ZNF705B: variants seen among roughly 807,000 people sequenced by gnomAD.
The protein encoded by ZNF705B is zinc finger protein 705B.
In ZNF705B, 1 loss-of-function variant was observed where a neutral mutation model predicts 10.5. The ratio of observed to expected loss-of-function variants is 0.10; its 90% CI spans 0.03 to 0.45. The LOEUF (loss-of-function observed/expected upper bound fraction) is 0.45. ZNF705B is among the 20% of genes least tolerant of loss of function. The probability of loss-of-function intolerance (pLI) is 0.97; values close to 1 mark genes in which losing one functional copy is unlikely to be tolerated. For synonymous variants in ZNF705B, 4 were observed against 25.4 expected (o/e 0.16, Z 2.53); for missense variants, 14 against 84.0 (o/e 0.17, Z 3.26).
At chr8:7,929,653 G>T (rs570869230) in intron 1 of ZNF705B, among the ~76,000 whole-genome samples, 1 of 119,786 alleles carries the variant, frequency 8.3e-6, no homozygotes, top group South Asian at 2.9e-4. Context: ...TTTGAATCAG[G>T]AATGCAAGCT....
intron 2 of ZNF705B, 68 bp downstream of exon 2, chr8:7,930,504 T>C (rs1256927939): frequency 7.6e-4 from 59 of 77,882 alleles, no homozygotes; most frequent in African/African-American, 1.9e-3. Context: ...GCCAAATTGA[T>C]TGATCAGCCA....
intron 2 of ZNF705B, among the ~76,000 whole-genome samples, chr8:7,931,078 C>G (rs575020506): frequency 8.4e-6 from 1 of 119,682 alleles, no homozygotes; most frequent in African/African-American, 2.5e-5. Flanking sequence ...GTCTTGAACT[C>G]CCGACCTCGG....
chr8:7,926,681 C>T (rs1368491623), intron 1 of ZNF705B, among the ~76,000 whole-genome samples: 1 of 109,684 alleles, frequency 9.1e-6, no homozygotes, highest in African/African-American at 2.7e-5. Context: ...GATTAAGGAA[C>T]ACTGACCTTT....
intron 1 of ZNF705B, among the ~76,000 whole-genome samples, chr8:7,927,294 A>AT (rs1282289533): frequency 3.4e-4 from 41 of 120,020 alleles, no homozygotes; most frequent in African/African-American, 9.6e-4. Flanking sequence ...AATTTTAGGG[A>AT]TTTTTTTGAG....
At chr8:7,935,344 T>A (rs1465608652) in intron 2 of ZNF705B, among the ~76,000 whole-genome samples, 1 of 147,498 alleles carries the variant, frequency 6.8e-6, no homozygotes, top group Non-Finnish European at 1.5e-5. Context: ...AAATATTGAA[T>A]AGTATTTCAT....
intron 1 of ZNF705B, among the ~76,000 whole-genome samples, chr8:7,928,174 C>T (rs1385531858): frequency 3.1e-4 from 35 of 111,416 alleles, no homozygotes; most frequent in African/African-American, 9.0e-4. Context: ...CTCCTTCAGG[C>T]CTCTTTTATA....
In ZNF705B at chr8:7,931,123, G is replaced by T. The variant is rs192965257; in HGVS notation, c.-72+687G>T. On this transcript the variant is annotated intron_variant, in intron 2 of 6. Transcript: ENST00000400120. ...CCCCCTCAGCCTTCCAAAGTGCTAG[G>T]ATTACAGGTGTGAGTCAGGTGGCTT... Among the ~76,000 whole-genome samples, 54 of 121,278 alleles carry T rather than the reference G, an allele frequency of 4.5e-4. 10 individuals are homozygous for T. The East Asian group carries it at 0.012, about 26-fold the overall frequency. The allele number at this position is 121,278 out of a possible 152,430, so 79.6% of individuals were successfully genotyped here. A position where few individuals can be genotyped will look rare whatever the true frequency, so the allele number is the denominator to read the frequency against.
At chr8:7,934,692 CTGTGTGTGTGTGTGTG>C (rs772466497) in intron 2 of ZNF705B, 1 of 75,174 alleles carries the variant, frequency 1.3e-5, no homozygotes, top group Non-Finnish European at 2.4e-5. Context: ...GTGTGTGTGT[CTGTGTGTGTGTGTGTG>C]TGTGTGTGTG....
intron 2 of ZNF705B, among the ~76,000 whole-genome samples, chr8:7,940,692 T>A (rs1820127178): frequency 6.8e-6 from 1 of 148,056 alleles, no homozygotes; most frequent in African/African-American, 2.5e-5. Context: ...AATATAGTAA[T>A]TGTCATTCTG....
intron 2 of ZNF705B, among the ~76,000 whole-genome samples, chr8:7,936,582 C>T (rs1313926637): frequency 1.7e-5 from 2 of 120,130 alleles, no homozygotes; most frequent in Non-Finnish European, 2.0e-5. Context: ...AACATGGATG[C>T]AGCTGGAGGA....
chr8:7,930,057 T>C (rs1326312105), intron 1 of ZNF705B, among the ~76,000 whole-genome samples: 1 of 105,856 alleles, frequency 9.4e-6, no homozygotes, highest in East Asian at 2.8e-4. Flanking sequence ...TGGTATTATG[T>C]GGTGGTTTGG....
intron 2 of ZNF705B, among the ~76,000 whole-genome samples, chr8:7,934,042 A>G (rs1431425136): frequency 2.8e-4 from 38 of 137,942 alleles, no homozygotes; most frequent in African/African-American, 8.8e-4. Flanking sequence ...ATGGGTTCAA[A>G]CGATTCTCCT....
chr8:7,934,645 TA>T, intron 2 of ZNF705B: 1 of 362,238 alleles, frequency 2.8e-6, no homozygotes, highest in Non-Finnish European at 4.8e-6. Context: ...TACATGGACG[TA>T]GGGGGCAGTG....
At position 7,949,213 on chromosome 8, in the gene ZNF705B, A is replaced by G. The variant is rs1410845027; in HGVS notation, c.97A>G (p.Arg33Gly). The G allele has an allele frequency of 3.6e-6, 3 of 838,748 alleles. 1 individual carries two copies. The South Asian group carries it at 5.6e-5, about 16-fold the overall frequency. The allele number at this position is 838,748 out of a possible 1,614,324, so 52.0% of individuals were successfully genotyped here. A position where few individuals can be genotyped will look rare whatever the true frequency, so the allele number is the denominator to read the frequency against. The stretch of plus-strand genomic sequence containing the variant: ...GGACACATCCAAAAGAAAGCTGTAC[A>G]GAGATGTGATGCTGGAAAATATCAG... ...MMDTSKRKLY[R>G]DVMLENISHL... is the part of the protein sequence containing the mutation. The change falls in exon 4 of 7, where the codon AGA (arginine) becomes GGA (glycine). Residue 33 changes from arginine (R) to glycine (G), a missense_variant. Coordinates refer to ENST00000400120, the MANE Select transcript of ZNF705B (RefSeq NM_001193630.1).
chr8:7,932,437 C>A (rs1819875528), intron 2 of ZNF705B, among the ~76,000 whole-genome samples: 1 of 121,308 alleles, frequency 8.2e-6, no homozygotes, highest in African/African-American at 2.5e-5. Context: ...TCTAGTCAGC[C>A]ATCTTGAAGG....
intron 2 of ZNF705B, among the ~76,000 whole-genome samples, chr8:7,934,010 G>A (rs1338900530): frequency 1.5e-5 from 2 of 134,174 alleles, no homozygotes; most frequent in Middle Eastern, 4.4e-3. Context: ...TCGGGATCTC[G>A]GCTCACTGCA....
Position 7,929,270 on chromosome 8 carries a change from T to G in ZNF705B, c.-221-1017T>G, listed in dbSNP as rs2719525. ...ATTCAAAATGCAATTTTAATCAAAA[T>G]GCAATTTTAAAATAGCTGCCCTTAC... is the stretch of plus-strand genomic sequence containing the variant. On this transcript the variant is annotated intron_variant, in intron 1 of 6. Transcript: ENST00000400120. Among the ~76,000 whole-genome samples, 25 of 119,652 alleles carry G rather than the reference T, an allele frequency of 2.1e-4. 5 individuals are homozygous for G. Among genetic ancestry groups the G allele is most frequent in the Admixed American group, 1.2e-3 (13 of 10,466 alleles). The allele number at this position is 119,652 out of a possible 152,430, so 78.5% of individuals were successfully genotyped here.
intron 2 of ZNF705B, among the ~76,000 whole-genome samples, chr8:7,937,818 G>C (rs1464443186): frequency 2.1e-5 from 2 of 94,178 alleles, no homozygotes; most frequent in African/African-American, 5.9e-5. Flanking sequence ...TATAGGGAAA[G>C]CCAGGATATT....
intron 2 of ZNF705B, among the ~76,000 whole-genome samples, chr8:7,931,391 C>T (rs1452677209): frequency 2.5e-5 from 3 of 121,762 alleles, no homozygotes; most frequent in Non-Finnish European, 5.9e-5. Context: ...GAAGTCCTAT[C>T]CTTAGGCTCT....
Sources: allele counts gnomAD v4.1 joint callset (sites outside exome capture counted in the v4.1 genomes callset), GRCh38; gene constraint gnomAD v4.1.1; transcripts MANE v1.5; gene names NCBI Gene and HGNC (gene_info 2026-07-23, HGNC 2026-07-21).